Variants in ASTN2 observed in about 807,000 individuals in gnomAD.
ASTN2 encodes astrotactin 2.
In ASTN2, 54 loss-of-function variants were observed where a neutral mutation model predicts 139.8. That is an observed-to-expected ratio of 0.39 (90% CI 0.31 to 0.48). The LOEUF (loss-of-function observed/expected upper bound fraction) is 0.48, where lower values mean the gene tolerates loss of function less well. Ranked by LOEUF, ASTN2 falls within the 20% of genes least tolerant of loss-of-function variation. ASTN2 has a pLI of 0.95. For synonymous variants in ASTN2, 756 were observed against 719.5 expected (o/e 1.05, Z -0.81); for missense variants, 1,565 against 1,725.1 (o/e 0.91, Z 1.64).
chr9:116,705,752 GT>G (rs1302202746), intron 16 of ASTN2, among the ~76,000 whole-genome samples: 1 of 152,104 alleles, frequency 6.6e-6, no homozygotes, highest in Non-Finnish European at 1.5e-5. Context: ...ATACAAGAGA[GT>G]AAGATAAATG....
At chr9:116,917,698 G>A (rs1269228432) in intron 10 of ASTN2, among the ~76,000 whole-genome samples, 1 of 152,202 alleles carries the variant, frequency 6.6e-6, no homozygotes, top group Non-Finnish European at 1.5e-5. Flanking sequence ...GAAAAAGTTG[G>A]AATGGAAAGG....
chr9:116,655,938 G>A (rs962173702), intron 16 of ASTN2, among the ~76,000 whole-genome samples: 5 of 151,858 alleles, frequency 3.3e-5, no homozygotes, highest in African/African-American at 4.8e-5. Context: ...ATGTTGCCCA[G>A]GCTAGTCTTG....
chr9:116,795,021 G>C (rs1830654534), intron 13 of ASTN2, among the ~76,000 whole-genome samples: 1 of 152,168 alleles, frequency 6.6e-6, no homozygotes, highest in Non-Finnish European at 1.5e-5. Context: ...TTGTTGCCCA[G>C]GCTAGAGTGC....
At chr9:117,311,045 ACTGGGGCTCC>A (rs1827958868) in intron 1 of ASTN2, among the ~76,000 whole-genome samples, 1 of 152,032 alleles carries the variant, frequency 6.6e-6, no homozygotes, top group Non-Finnish European at 1.5e-5. Flanking sequence ...CTCTTCCCCT[ACTGGGGCTCC>A]CTGGGACCAC....
chr9:116,695,114 C>T (rs1488482853), intron 16 of ASTN2, among the ~76,000 whole-genome samples: 1 of 152,048 alleles, frequency 6.6e-6, no homozygotes, highest in Non-Finnish European at 1.5e-5. Context: ...TGTTATGTGA[C>T]AGTAAAAAAT....
At chr9:116,687,338 G>A (rs1027225738) in intron 16 of ASTN2, 42 of 919,010 alleles carry the variant, frequency 4.6e-5, no homozygotes, top group Non-Finnish European at 5.2e-5. Flanking sequence ...GAGGCAGGCG[G>A]GTGGGCTGCC....
chr9:116,936,081 C>CAT, intron 10 of ASTN2, among the ~76,000 whole-genome samples: 1 of 127,650 alleles, frequency 7.8e-6, no homozygotes, highest in Non-Finnish European at 1.7e-5. Context: ...ACCACCATCA[C>CAT]CACTACCACC....
intron 2 of ASTN2, among the ~76,000 whole-genome samples, chr9:117,279,868 C>T (rs1268894921): frequency 6.6e-6 from 1 of 152,180 alleles, no homozygotes; most frequent in Non-Finnish European, 1.5e-5. Context: ...CTACATAATG[C>T]TCATTTCTCT....
chr9:117,334,405 C>A (rs1228608241), intron 1 of ASTN2, among the ~76,000 whole-genome samples: 3 of 151,714 alleles, frequency 2.0e-5, no homozygotes, highest in African/African-American at 7.3e-5. Context: ...CACCTTGAGA[C>A]ATTTATTTTT....
At chr9:116,860,431 C>T (rs13284474) in intron 11 of ASTN2, among the ~76,000 whole-genome samples, 47,559 of 152,136 alleles carry the variant, frequency 0.31, 9,212 homozygotes, top group Non-Finnish European at 0.44. Flanking sequence ...ATTCTTTGAG[C>T]TCTTTCAGTT....
At chr9:117,221,788 C>T (rs1832528734) in intron 2 of ASTN2, among the ~76,000 whole-genome samples, 1 of 151,468 alleles carries the variant, frequency 6.6e-6, no homozygotes, top group South Asian at 2.1e-4. Flanking sequence ...TTTCAGGCCC[C>T]AGTCTATGTT....
At chr9:117,342,505 T>C (rs1163041620) in intron 1 of ASTN2, among the ~76,000 whole-genome samples, 1 of 152,184 alleles carries the variant, frequency 6.6e-6, no homozygotes, top group African/African-American at 2.4e-5. Context: ...CTTCTTTGTG[T>C]GATTTTGTGA....
intron 16 of ASTN2, among the ~76,000 whole-genome samples, chr9:116,673,683 T>A (rs1486949918): frequency 2.0e-5 from 3 of 152,126 alleles, no homozygotes; most frequent in Non-Finnish European, 4.4e-5. Context: ...GGCAAAAAAA[T>A]GCCTGGGGCC....
At chr9:116,524,361 T>C (rs562465709) in intron 19 of ASTN2, among the ~76,000 whole-genome samples, 6 of 152,040 alleles carry the variant, frequency 3.9e-5, no homozygotes, top group African/African-American at 9.7e-5. Context: ...ATTTCAGCCA[T>C]AGATCATAAC....
At chr9:116,807,116 T>G (rs138547665) in intron 12 of ASTN2, among the ~76,000 whole-genome samples, 2 of 152,222 alleles carry the variant, frequency 1.3e-5, no homozygotes, top group African/African-American at 4.8e-5. Context: ...GGTTGGTATG[T>G]CAGTTTGAGA....
rs1268335683 is a variant in ASTN2, at chr9:116,791,508, A to C, written c.2396+14124T>G. Among the ~76,000 whole-genome samples, 3 of 152,346 alleles carry C rather than the reference A, an allele frequency of 2.0e-5. No individual in the cohort carries two copies. The East Asian group carries it at 5.8e-4, about 29-fold the overall frequency. On this transcript the variant is annotated intron_variant, in intron 13 of 22. Coordinates refer to ENST00000313400, the MANE Select transcript of ASTN2 (RefSeq NM_001365068.1). ...AAGAGATTGCTAAGCACATTAGTGC[A>C]TTAGCAGTGTAAACAAGATCATGGG...
intron 4 of ASTN2, among the ~76,000 whole-genome samples, chr9:117,131,960 T>G (rs1424241338): frequency 6.6e-6 from 1 of 152,082 alleles, no homozygotes; most frequent in East Asian, 1.9e-4. Context: ...GGATTTTGGC[T>G]TTTTTAAAAC....
chr9:116,679,445 G>A (rs574181635), intron 16 of ASTN2, among the ~76,000 whole-genome samples: 12 of 152,178 alleles, frequency 7.9e-5, no homozygotes, highest in Non-Finnish European at 1.3e-4. Flanking sequence ...CGTATGTTCC[G>A]AAATTATGTA....
intron 11 of ASTN2, among the ~76,000 whole-genome samples, 185 bp from the exon 12 acceptor site, chr9:116,820,968 GC>G (rs1348457372): frequency 6.6e-6 from 1 of 152,310 alleles, no homozygotes; most frequent in East Asian, 1.9e-4. Flanking sequence ...ACCTCAGTGT[GC>G]CCACCTGTAA....
Sources: gnomAD v4.1 joint callset for allele counts (sites outside exome capture counted in the v4.1 genomes callset) on GRCh38, gnomAD v4.1.1 for gene constraint, MANE v1.5 for transcripts, NCBI Gene and HGNC (gene_info 2026-07-23, HGNC 2026-07-21) for gene names.